The following PARVB variants were observed in gnomAD, a reference collection of about 807,000 sequenced individuals.
PARVB encodes the protein beta-parvin.
In PARVB, 46 loss-of-function variants were observed where a neutral mutation model predicts 47.0. That is an observed-to-expected ratio of 0.98 (90% CI 0.77 to 1.25). The LOEUF (loss-of-function observed/expected upper bound fraction) is 1.25. Ranked by LOEUF, PARVB falls within the 50% of genes most tolerant of loss-of-function variation. PARVB has a pLI of 0.00. For synonymous variants in PARVB, 196 were observed against 196.3 expected (o/e 1.00, Z 0.01); for missense variants, 473 against 471.6 (o/e 1.00, Z -0.03).
At chr22:44,055,670 CTCTCTCTCTA>C (rs2051294532) in intron 1 of PARVB, among the ~76,000 whole-genome samples, 2 of 141,750 alleles carry the variant, frequency 1.4e-5, no homozygotes, top group Non-Finnish European at 3.1e-5. Context: ...CTCTCTCTCT[CTCTCTCTCTA>C]TATATATATA....
chr22:44,036,812 T>TA (rs927666184), intron 1 of PARVB, among the ~76,000 whole-genome samples: 7 of 150,240 alleles, frequency 4.7e-5, no homozygotes, highest in South Asian at 2.1e-4. Flanking sequence ...TATTAAAAAT[T>TA]AAAAAAAAAA....
intron 4 of PARVB, among the ~76,000 whole-genome samples, chr22:44,122,520 C>CAG (rs1569134259): frequency 2.0e-5 from 1 of 49,830 alleles, no homozygotes; most frequent in Non-Finnish European, 4.2e-5. Context: ...GAGAGAGAGA[C>CAG]AGAGAGACAG....
At chr22:44,145,364 C>G (rs2053641163) in intron 8 of PARVB, 1 of 152,248 alleles carries the variant, frequency 6.6e-6, no homozygotes, top group African/African-American at 2.4e-5. Context: ...CTCTCTCTGT[C>G]TCTCTCTCTC....
chr22:44,150,316 C>G (rs555830278), intron 9 of PARVB: 1 of 152,210 alleles, frequency 6.6e-6, no homozygotes, highest in East Asian at 1.9e-4. Flanking sequence ...GCCAGTGCCC[C>G]TTGGTACTTA....
At chr22:44,091,542 C>T (rs1168657147) in intron 1 of PARVB, among the ~76,000 whole-genome samples, 2 of 152,154 alleles carry the variant, frequency 1.3e-5, no homozygotes, top group South Asian at 4.1e-4. Context: ...TTCGCCTACT[C>T]GAGGGACCTC....
intron 8 of PARVB, chr22:44,140,682 T>C: frequency 4.1e-6 from 2 of 484,548 alleles, no homozygotes; most frequent in Non-Finnish European, 4.2e-6. Flanking sequence ...GAAATGGGAG[T>C]GTAAAAGGCT....
At position 44,132,966 on chromosome 22, in the gene PARVB, T is replaced by A. The variant is rs2053361992; in HGVS notation, c.590T>A (p.Ile197Asn). The change falls in exon 6 of 13, where the codon ATC becomes AAC. Residue 197 changes from isoleucine to asparagine, a missense_variant. Transcript: ENST00000338758. ...VSLAMHFRAP[I>N]RLPEHVTVQV... The stretch of plus-strand genomic sequence containing the variant: ...CTGGCCATGCACTTCAGGGCCCCCA[T>A]CCGCCTTCCTGAGCATGTAACGGTG... 6.2e-7 allele frequency: 1 copy of A among 1,614,064 alleles called. No individual in the cohort carries two copies. The highest frequency in any genetic ancestry group is 8.5e-7 in the Non-Finnish European group (1 of 1,179,998).
At chr22:44,000,193 G>C (rs918901562) in intron 2 of PARVB, among the ~76,000 whole-genome samples, 4 of 152,188 alleles carry the variant, frequency 2.6e-5, no homozygotes, top group African/African-American at 9.7e-5. Flanking sequence ...GAGCTTTCTA[G>C]GGCTTTCTAC....
rs748276131 is a variant in PARVB at position 44,135,682 on chromosome 22, C to T, written c.634-778C>T. On this transcript the variant is annotated intron_variant, in intron 6 of 12. Transcript: ENST00000338758. The stretch of plus-strand genomic sequence containing the variant: ...TTAAAACAGCAGACATTTATTCTCT[C>T]GCAATTATGGAGGCCAGAAGTCTGA... Among the ~76,000 whole-genome samples, 9 of 152,174 alleles carry T rather than the reference C, an allele frequency of 5.9e-5. No homozygotes were observed. The South Asian group carries it at 8.3e-4, about 14-fold the overall frequency.
At chr22:44,083,106 C>T (rs1185917888) in intron 1 of PARVB, among the ~76,000 whole-genome samples, 1 of 152,132 alleles carries the variant, frequency 6.6e-6, no homozygotes, top group Non-Finnish European at 1.5e-5. Context: ...GTGGCCACAT[C>T]AGGGTAATTG....
At chr22:44,124,558 C>T (rs549755459) in intron 4 of PARVB, among the ~76,000 whole-genome samples, 1 of 146,792 alleles carries the variant, frequency 6.8e-6, no homozygotes. Flanking sequence ...TGGGGGCTGT[C>T]CTGGAGGGTC....
intron 1 of PARVB, among the ~76,000 whole-genome samples, chr22:44,065,464 C>T (rs1304504155): frequency 6.6e-6 from 1 of 152,086 alleles, no homozygotes; most frequent in Non-Finnish European, 1.5e-5. Flanking sequence ...CCTCCCACCT[C>T]TTTCTTATTT....
At chr22:44,032,498 G>A (rs1252439525) in intron 1 of PARVB, among the ~76,000 whole-genome samples, 1 of 152,098 alleles carries the variant, frequency 6.6e-6, no homozygotes, top group East Asian at 1.9e-4. Context: ...AGTTTGCCCT[G>A]GTTCTGAGAA....
chr22:44,099,783 A>G (rs1482303793), intron 2 of PARVB, among the ~76,000 whole-genome samples: 1 of 152,174 alleles, frequency 6.6e-6, no homozygotes, highest in African/African-American at 2.4e-5. Flanking sequence ...TTCTCCTGAA[A>G]AATGGAAATG....
At chr22:44,098,365 C>T (rs1000595630) in intron 2 of PARVB, among the ~76,000 whole-genome samples, 10 of 152,088 alleles carry the variant, frequency 6.6e-5, no homozygotes, top group Non-Finnish European at 1.3e-4. Flanking sequence ...ATTTGGCATT[C>T]GGGCTCAAGG....
chr22:44,039,246 G>A (rs1198955385), intron 1 of PARVB, among the ~76,000 whole-genome samples: 1 of 152,116 alleles, frequency 6.6e-6, no homozygotes, highest in African/African-American at 2.4e-5. Context: ...AGATAGATTT[G>A]CTCAACAGAA....
Position 44,113,469 on chromosome 22 carries a change from G to A in PARVB, c.274-5569G>A, listed in dbSNP as rs1300748736. 4 of 58,766 alleles carry A rather than the reference G, an allele frequency of 6.8e-5. 1 individual carries two copies. Among genetic ancestry groups the A allele is most frequent in the African/African-American group, 4.0e-4 (4 of 9,916 alleles). The allele number at this position is 58,766 out of a possible 1,614,324, so 3.6% of individuals were successfully genotyped here. ...CACAGATACATTGTTACTAACTAAG[G>A]CCCTGCACCAACACAGATACGTTGT... On this transcript the variant is annotated intron_variant, in intron 3 of 12. Coordinates refer to ENST00000338758, the MANE Select transcript of PARVB (RefSeq NM_013327.5).
intron 2 of PARVB, among the ~76,000 whole-genome samples, chr22:44,006,019 C>T (rs2050460901): frequency 6.6e-6 from 1 of 152,242 alleles, no homozygotes; most frequent in African/African-American, 2.4e-5. Context: ...TCATAGCTCA[C>T]TGCAGTCTCA....
chr22:44,168,580 G>A, intron 12 of PARVB, 22 bp from the exon 13 acceptor site: 1 of 1,578,124 alleles, frequency 6.3e-7, no homozygotes, highest in East Asian at 2.2e-5. Flanking sequence ...CGCCTCTGAA[G>A]TTTCTCTGTT....
Sources: gnomAD v4.1 joint callset for allele counts (sites outside exome capture counted in the v4.1 genomes callset) on GRCh38, gnomAD v4.1.1 for gene constraint, MANE v1.5 for transcripts, NCBI Gene and HGNC (gene_info 2026-07-23, HGNC 2026-07-21) for gene names.